MTREX: variants seen among roughly 807,000 people sequenced by gnomAD.
MTREX encodes the protein Mtr4 exosome RNA helicase, also known as exosome RNA helicase MTR4.
In MTREX, 76 loss-of-function variants were observed where a neutral mutation model predicts 135.4. The ratio of observed to expected loss-of-function variants is 0.56; its 90% confidence interval spans 0.47 to 0.68. The LOEUF is 0.68. Ranked by LOEUF, MTREX falls within the 30% of genes least tolerant of loss-of-function variation. The pLI is 0.00. For missense variants in MTREX, 920 were observed against 1,262.1 expected, an observed-to-expected ratio of 0.73 and a Z score of 4.11; for synonymous variants, 404 against 401.6, an observed-to-expected ratio of 1.01 and a Z score of -0.07.
intron 21 of MTREX, among the ~76,000 whole-genome samples, chr5:55,404,897 G>A (rs1013634156): frequency 7.3e-5 from 11 of 151,300 alleles, no homozygotes; most frequent in Admixed American, 5.9e-4. Flanking sequence ...TCTACCTCCC[G>A]GGTTAAAGCA....
intron 18 of MTREX, 143 bp from the exon 19 acceptor site, chr5:55,387,831 A>G (rs1750502821): frequency 3.5e-6 from 2 of 570,466 alleles, no homozygotes; most frequent in East Asian, 7.3e-5. Flanking sequence ...GACAGTTTTC[A>G]TTTCATAAAA....
chr5:55,386,638 A>C (rs1750485578), intron 18 of MTREX, among the ~76,000 whole-genome samples: 1 of 152,144 alleles, frequency 6.6e-6, no homozygotes, highest in Admixed American at 6.6e-5. Flanking sequence ...TACTTGAGTT[A>C]TAATAGTCAC....
At chr5:55,323,519 G>A (rs771861245) in intron 2 of MTREX, among the ~76,000 whole-genome samples, 1 of 152,006 alleles carries the variant, frequency 6.6e-6, no homozygotes, top group Non-Finnish European at 1.5e-5. Flanking sequence ...CCTCCCCAGG[G>A]TCAGGTGATT....
chr5:55,397,446 G>A lies in MTREX; in HGVS notation c.2212G>A (p.Ala738Thr). 1 of 1,609,888 alleles carries A rather than the reference G, an allele frequency of 6.2e-7. No homozygotes were observed. Among genetic ancestry groups the A allele is most frequent in the Non-Finnish European group, 8.5e-7 (1 of 1,177,118 alleles). The change falls in exon 20 of 27, where the codon GCT becomes ACT. Residue 738 changes from alanine (A) to threonine (T), a missense_variant. Ala to Thr is a moderately conservative substitution (Grantham distance 58). Transcript: ENST00000230640. ...VVPVLVHLLS[A>T]ISSVRLYIPK... ...CCCAGTTTTGGTGCATCTCCTGTCT[G>A]CTATCAGCAGTGTTAGGCTTTACAT...
At chr5:55,374,552 A>G (rs1031616085) in intron 16 of MTREX, among the ~76,000 whole-genome samples, 1 of 151,870 alleles carries the variant, frequency 6.6e-6, no homozygotes, top group Non-Finnish European at 1.5e-5. Flanking sequence ...GCCTCCCAAG[A>G]GTGTTGGGAT....
Position 55,352,701 on chromosome 5 carries a change from A to G in MTREX, c.1432-467A>G, listed in dbSNP as rs1235299807. On this transcript the variant is annotated intron_variant, in intron 13 of 26. Coordinates refer to ENST00000230640, the MANE Select transcript of MTREX (RefSeq NM_015360.5). ...AGTACTTCAGTGACTTTACTTATAC[A>G]TATATCCTTTTGTACCTAAACCACT... Among the ~76,000 whole-genome samples the G allele has an allele frequency of 2.0e-5, 3 of 152,190 alleles. No homozygotes were observed. The East Asian group carries it at 5.8e-4, about 29-fold the overall frequency.
In MTREX at chr5:55,378,370, G is replaced by C; in HGVS notation, c.1867G>C (p.Val623Leu). Reference sequence around the variant, plus strand: ...AATAGTAATTCCCAATGAAGAAAGTGTGGTTATCTATTATAAGATTAGACA... The same window carrying C: ...AATAGTAATTCCCAATGAAGAAAGTCTGGTTATCTATTATAAGATTAGACA... The part of the protein sequence containing the change: ...NKIVIPNEES[V>L]VIYYKIRQQL... The change falls in exon 17 of 27, where the codon GTG becomes CTG. Residue 623 changes from valine (V) to leucine (L), a missense_variant. By Grantham distance (32) the Val-to-Leu change is conservative. Around this residue, in one of 6 missense-constraint regions of MTREX, gnomAD observed 467 missense variants for 589.7 expected, o/e 0.79. Coordinates refer to ENST00000230640, the MANE Select transcript of MTREX (RefSeq NM_015360.5). 1.2e-6 allele frequency: 2 copies of C among 1,610,210 alleles called. No individual in the cohort carries two copies. Among genetic ancestry groups the C allele is most frequent in the Non-Finnish European group, 1.7e-6 (2 of 1,178,946 alleles).
In MTREX at chr5:55,411,280, A is replaced by T. The variant is rs563761166; in HGVS notation, c.2751+651A>T. On this transcript the variant is annotated intron_variant, in intron 23 of 26. Transcript: ENST00000230640. ...GTAAGATATATTGTTTTGCATTTCAAATTTAAGACTTTATTTATTGTAGAT... is the reference window on the plus strand; with the variant it reads ...GTAAGATATATTGTTTTGCATTTCATATTTAAGACTTTATTTATTGTAGAT... 2.0e-5 allele frequency among the ~76,000 whole-genome samples: 3 copies of T among 152,334 alleles called. No individual in the cohort carries two copies. In the South Asian group the frequency reaches 6.2e-4, roughly 32 times the overall value.
chr5:55,343,481 C>G, intron 8 of MTREX, 26 bp downstream of exon 8: 1 of 1,591,646 alleles, frequency 6.3e-7, no homozygotes, highest in Non-Finnish European at 8.6e-7. Context: ...TTTTTGATGT[C>G]TTCAATATTC....
chr5:55,326,242 C>CA (rs566908676), intron 3 of MTREX, among the ~76,000 whole-genome samples: 63 of 151,256 alleles, frequency 4.2e-4, no homozygotes, highest in African/African-American at 1.4e-3. Flanking sequence ...ACTAAAAATA[C>CA]AAAAAAAATT....
chr5:55,354,942 G>A (rs1404883619), intron 14 of MTREX, among the ~76,000 whole-genome samples: 1 of 152,196 alleles, frequency 6.6e-6, no homozygotes, highest in Non-Finnish European at 1.5e-5. Context: ...ACTCATCGGG[G>A]TCCAGACTGG....
At chr5:55,389,772 G>GTACAGA (rs1750536529) in intron 19 of MTREX, among the ~76,000 whole-genome samples, 1 of 151,914 alleles carries the variant, frequency 6.6e-6, no homozygotes, top group Non-Finnish European at 1.5e-5. Context: ...AATGACAAAA[G>GTACAGA]GCATGAAACA....
chr5:55,390,401 T>C (rs546434104), intron 19 of MTREX, among the ~76,000 whole-genome samples: 2 of 152,330 alleles, frequency 1.3e-5, no homozygotes, highest in South Asian at 4.1e-4. Context: ...GCACCTGGCC[T>C]TGAAGACTAC....
intron 16 of MTREX, among the ~76,000 whole-genome samples, chr5:55,367,617 T>G (rs919061339): frequency 6.6e-6 from 1 of 152,220 alleles, no homozygotes. Context: ...AGAGTTTAGC[T>G]TTTTGGAATT....
At chr5:55,326,527 G>A (rs1749381003) in intron 3 of MTREX, among the ~76,000 whole-genome samples, 1 of 152,102 alleles carries the variant, frequency 6.6e-6, no homozygotes, top group African/African-American at 2.4e-5. Flanking sequence ...TCTCAGCAGG[G>A]TGACTTTTCC....
intron 15 of MTREX, among the ~76,000 whole-genome samples, chr5:55,363,635 T>C (rs1315671603): frequency 6.6e-6 from 1 of 152,194 alleles, no homozygotes; most frequent in Non-Finnish European, 1.5e-5. Context: ...CTTAAAGAGT[T>C]CTTATATTTT....
intron 1 of MTREX, among the ~76,000 whole-genome samples, chr5:55,314,391 G>A (rs1749165662): frequency 6.6e-6 from 1 of 152,230 alleles, no homozygotes; most frequent in East Asian, 1.9e-4. Context: ...TTGAGGTGGA[G>A]AGAGAATTCT....
intron 1 of MTREX, 117 bp downstream of exon 1, chr5:55,308,264 T>G: frequency 1.6e-6 from 2 of 1,261,294 alleles, no homozygotes; most frequent in Non-Finnish European, 2.1e-6. Context: ...GCGTTGGAAG[T>G]GAAGGGGTTC....
chr5:55,420,171 A>C (rs1416172477), intron 25 of MTREX, among the ~76,000 whole-genome samples: 2 of 142,284 alleles, frequency 1.4e-5, no homozygotes, highest in African/African-American at 4.9e-5. Context: ...TTTAGCGGCA[A>C]GTAGTTGCAA....
Sources: allele counts gnomAD v4.1 joint callset (sites outside exome capture counted in the v4.1 genomes callset), GRCh38; gene constraint gnomAD v4.1.1; regional missense constraint gnomAD v4.1.1; transcripts MANE v1.5; gene names NCBI Gene and HGNC (gene_info 2026-07-23, HGNC 2026-07-21).